The following GPR63 variants were observed in gnomAD, a reference collection of about 807,000 sequenced individuals.
The protein encoded by GPR63 is probable G protein-coupled receptor 63.
In GPR63, 12 loss-of-function variants were observed where a neutral mutation model predicts 23.1. The observed-to-expected ratio is 0.52, with a 90% confidence interval of 0.33 to 0.84. The LOEUF is 0.84. Among genes scored for constraint, GPR63 ranks in the 40% least tolerant of loss-of-function variants. The pLI, the probability that GPR63 is intolerant of heterozygous loss-of-function variation, is 0.02. For missense variants in GPR63, 472 were observed against 515.6 expected (o/e 0.92, Z 0.82); for synonymous variants, 172 against 191.1 (o/e 0.90, Z 0.82).
Position 96,799,443 on chromosome 6 carries a change from G to T in GPR63, c.289C>A (p.Leu97Ile). Residue 97 changes from leucine (L) to isoleucine (I), a missense_variant, in exon 2 of 2, where the codon CTT becomes ATT. By Grantham distance (5) the Leu-to-Ile change is conservative. Coordinates refer to ENST00000229955, the MANE Select transcript of GPR63 (RefSeq NM_030784.4). The part of the protein sequence containing the change: ...IMIFILFVSF[L>I]GNLVVCLMVY... Reference sequence around the variant, plus strand: ...ATGAGGCAAACAACCAAGTTCCCAAGAAAAGACACAAACAGAATGAATATC... The same window carrying T: ...ATGAGGCAAACAACCAAGTTCCCAATAAAAGACACAAACAGAATGAATATC... The T allele has an allele frequency of 6.2e-7, 1 of 1,614,090 alleles. No homozygotes were observed. Among genetic ancestry groups the T allele is most frequent in the Non-Finnish European group, 8.5e-7 (1 of 1,180,032 alleles).
At position 96,796,938 on chromosome 6, in the gene GPR63, G is replaced by T. The variant is rs1295052941; in HGVS notation, c.*1534C>A. 1 of 152,126 alleles carries T rather than the reference G, an allele frequency of 6.6e-6. No individual in the cohort carries two copies. The highest frequency in any genetic ancestry group is 1.9e-4 in the East Asian group (1 of 5,180). 9.4% of individuals were successfully genotyped at this position (152,126 alleles called of 1,614,324 possible). A position where few individuals can be genotyped will look rare whatever the true frequency, so the allele number is the denominator to read the frequency against. Reference sequence around the variant, plus strand: ...AAAAAGTGGTTGTAGGTCAGATGTGGTGGCTCATGCCTGTAATCCCAACAT... The same window carrying T: ...AAAAAGTGGTTGTAGGTCAGATGTGTTGGCTCATGCCTGTAATCCCAACAT... On this transcript the variant is annotated 3_prime_UTR_variant, in exon 2 of 2. Transcript: ENST00000229955.
intron 1 of GPR63, among the ~76,000 whole-genome samples, chr6:96,828,870 A>G (rs977824044): frequency 5.3e-5 from 8 of 152,168 alleles, no homozygotes; most frequent in African/African-American, 1.2e-4. Flanking sequence ...TTGTATTACT[A>G]TCAAAGAAAA....
At chr6:96,821,616 C>A (rs1247765238) in intron 1 of GPR63, among the ~76,000 whole-genome samples, 3 of 152,194 alleles carry the variant, frequency 2.0e-5, no homozygotes, top group Non-Finnish European at 4.4e-5. Flanking sequence ...TCCCCAGATG[C>A]AACTGTAATC....
intron 1 of GPR63, among the ~76,000 whole-genome samples, chr6:96,822,155 T>C (rs564626596): frequency 5.3e-5 from 8 of 151,284 alleles, no homozygotes; most frequent in Non-Finnish European, 8.8e-5. Flanking sequence ...CAAAGAAAAA[T>C]ATAGAACTAT....
intron 1 of GPR63, among the ~76,000 whole-genome samples, chr6:96,825,133 C>T (rs377452427): frequency 6.6e-6 from 1 of 152,192 alleles, no homozygotes; most frequent in East Asian, 1.9e-4. Context: ...AAATAGGGCC[C>T]ATGAGAGATT....
At chr6:96,832,446 T>C (rs1774611054) in intron 1 of GPR63, among the ~76,000 whole-genome samples, 1 of 151,148 alleles carries the variant, frequency 6.6e-6, no homozygotes, top group Non-Finnish European at 1.5e-5. Flanking sequence ...TTTTTTTTTT[T>C]ACTTTTTGGA....
At chr6:96,827,797 A>G (rs1020441346) in intron 1 of GPR63, among the ~76,000 whole-genome samples, 1 of 151,974 alleles carries the variant, frequency 6.6e-6, no homozygotes, top group African/African-American at 2.4e-5. Context: ...GATTGTCACA[A>G]ACAAAAATCT....
rs1582237535 is a variant in GPR63 at position 96,795,129 on chromosome 6, T to C, written c.*3343A>G. ...CATTCCTGGGCTCAACCACAGACCC[T>C]CTGGAGGCCCAGGAATCTGTACTGT... On this transcript the variant is annotated 3_prime_UTR_variant, in exon 2 of 2. Transcript: ENST00000229955. 1 of 152,302 alleles carries C rather than the reference T, an allele frequency of 6.6e-6. No homozygotes were observed. The highest frequency in any genetic ancestry group is 1.9e-4 in the East Asian group (1 of 5,184). 9.4% of individuals were successfully genotyped at this position (152,302 alleles called of 1,614,324 possible). A position where few individuals can be genotyped will look rare whatever the true frequency, so the allele number is the denominator to read the frequency against.
rs1773559206 is a variant in GPR63, at chr6:96,795,555, T to G, written c.*2917A>C. Reference sequence around the variant, plus strand: ...AAGAACTGCTGTTCAGTGTTGCTGCTGAATTCTCACAAAGACCCCTTCATA... The same window carrying G: ...AAGAACTGCTGTTCAGTGTTGCTGCGGAATTCTCACAAAGACCCCTTCATA... On this transcript the variant is annotated 3_prime_UTR_variant, in exon 2 of 2. Coordinates refer to ENST00000229955, the MANE Select transcript of GPR63 (RefSeq NM_030784.4). 2 of 152,234 alleles carry G rather than the reference T, an allele frequency of 1.3e-5. No homozygotes were observed. The highest frequency in any genetic ancestry group is 2.9e-5 in the Non-Finnish European group (2 of 68,044). 9.4% of individuals were successfully genotyped at this position (152,234 alleles called of 1,614,324 possible).
In GPR63 at chr6:96,805,475, A is replaced by C. The variant is rs1021186877; in HGVS notation, c.-150-5594T>G. Among the ~76,000 whole-genome samples the C allele has an allele frequency of 1.8e-3, 276 of 152,268 alleles. 1 individual carries two copies. The highest frequency in any genetic ancestry group is 6.4e-3 in the African/African-American group (267 of 41,550). On this transcript the variant is annotated intron_variant, in intron 1 of 1. Coordinates refer to ENST00000229955, the MANE Select transcript of GPR63 (RefSeq NM_030784.4). The stretch of plus-strand genomic sequence containing the variant: ...TTTCAACATGAGATCTGGAGGGGAC[A>C]AACAGCCCAACCATGTCAGTATCAT...
intron 1 of GPR63, among the ~76,000 whole-genome samples, chr6:96,804,256 A>G (rs1362905208): frequency 6.6e-6 from 1 of 151,934 alleles, no homozygotes; most frequent in African/African-American, 2.4e-5. Context: ...TATTTTTTTG[A>G]GACAGGATCT....
chr6:96,835,152 C>T (rs962102994), intron 1 of GPR63, among the ~76,000 whole-genome samples: 3 of 152,026 alleles, frequency 2.0e-5, no homozygotes, highest in African/African-American at 7.2e-5. Flanking sequence ...GTTAAGAGTT[C>T]GAGAACATAC....
At chr6:96,823,654 A>G (rs536312653) in intron 1 of GPR63, among the ~76,000 whole-genome samples, 59 of 152,200 alleles carry the variant, frequency 3.9e-4, no homozygotes, top group African/African-American at 1.3e-3. Context: ...GTGTACATTA[A>G]TATCCCAGAC....
chr6:96,802,131 T>C (rs2127944446), intron 1 of GPR63, among the ~76,000 whole-genome samples: 1 of 152,314 alleles, frequency 6.6e-6, no homozygotes, highest in African/African-American at 2.4e-5. Flanking sequence ...ACTACCACAC[T>C]GTTTAAAATA....
chr6:96,820,961 T>C (rs985705635), intron 1 of GPR63, among the ~76,000 whole-genome samples: 1 of 152,188 alleles, frequency 6.6e-6, no homozygotes, highest in African/African-American at 2.4e-5. Flanking sequence ...GCGTGTTCTT[T>C]GGAGGGAATA....
At chr6:96,831,515 C>T (rs1170649604) in intron 1 of GPR63, among the ~76,000 whole-genome samples, 2 of 151,784 alleles carry the variant, frequency 1.3e-5, no homozygotes, top group East Asian at 3.9e-4. Context: ...TAATAAAGTG[C>T]CTTGAGGGCA....
At chr6:96,819,028 C>A (rs1582266519) in intron 1 of GPR63, among the ~76,000 whole-genome samples, 3 of 152,248 alleles carry the variant, frequency 2.0e-5, no homozygotes, top group Admixed American at 2.0e-4. Flanking sequence ...CAGATGGATG[C>A]TGGAGAGGTT....
At chr6:96,815,171 G>A (rs1180131473) in intron 1 of GPR63, among the ~76,000 whole-genome samples, 1 of 152,174 alleles carries the variant, frequency 6.6e-6, no homozygotes, top group East Asian at 1.9e-4. Flanking sequence ...GCTTCCAGGA[G>A]CGAGATAATT....
In GPR63 at chr6:96,834,505, T is replaced by G. The variant is rs149124087; in HGVS notation, c.-151+2763A>C. On this transcript the variant is annotated intron_variant, in intron 1 of 1. Coordinates refer to ENST00000229955, the MANE Select transcript of GPR63 (RefSeq NM_030784.4). ...AAATGCAACATAAACTCTGTGAAACTCATTCATGTGTCTTCAAGGAAACAC... is the reference window on the plus strand; with the variant it reads ...AAATGCAACATAAACTCTGTGAAACGCATTCATGTGTCTTCAAGGAAACAC... Among the ~76,000 whole-genome samples, 1,103 of 152,022 alleles carry G rather than the reference T, an allele frequency of 7.3e-3. 17 individuals are homozygous for G. Among genetic ancestry groups the G allele is most frequent in the African/African-American group, 0.025 (1,028 of 41,454 alleles).
Sources: allele counts gnomAD v4.1 joint callset (sites outside exome capture counted in the v4.1 genomes callset), GRCh38; gene constraint gnomAD v4.1.1; transcripts MANE v1.5; gene names NCBI Gene and HGNC (gene_info 2026-07-23, HGNC 2026-07-21).